Variants in NRXN1 observed in about 807,000 individuals in gnomAD.
NRXN1 encodes the protein neurexin 1, also known as neurexin-1.
In NRXN1, 39 loss-of-function variants were observed where a neutral mutation model predicts 150.9. That is an observed-to-expected ratio of 0.26 (90% confidence interval 0.20 to 0.34). The LOEUF is 0.34. Ranked by LOEUF, NRXN1 falls within the 10% of genes least tolerant of loss-of-function variation. The pLI is 1.00. For synonymous variants in NRXN1, 924 were observed against 757.0 expected, an observed-to-expected ratio of 1.22 and a Z score of -3.62; for missense variants, 1,815 against 1,949.9, an observed-to-expected ratio of 0.93 and a Z score of 1.30.
At chr2:50,448,865 T>A (rs1184534480) in intron 17 of NRXN1, among the ~76,000 whole-genome samples, 1 of 151,992 alleles carries the variant, frequency 6.6e-6, no homozygotes, top group Non-Finnish European at 1.5e-5. Context: ...AACACTAAAA[T>A]ATACAAAATA....
At chr2:49,966,587 C>A (rs1403942127) in intron 21 of NRXN1, 3 of 151,718 alleles carry the variant, frequency 2.0e-5, no homozygotes, top group African/African-American at 7.3e-5. Flanking sequence ...GCGAACTCCT[C>A]ACCTTACAAA....
chr2:50,208,983 T>C (rs552080975), intron 18 of NRXN1, among the ~76,000 whole-genome samples: 1 of 152,220 alleles, frequency 6.6e-6, no homozygotes, highest in South Asian at 2.1e-4. Flanking sequence ...TTTTCCTTTA[T>C]TGCACACCTC....
At chr2:50,332,302 A>G (rs191677981) in intron 17 of NRXN1, among the ~76,000 whole-genome samples, 21 of 152,334 alleles carry the variant, frequency 1.4e-4, no homozygotes, top group African/African-American at 5.1e-4. Context: ...CTTTCTACAA[A>G]CATTTGAGTA....
intron 5 of NRXN1, among the ~76,000 whole-genome samples, chr2:50,773,703 C>T (rs992458249): frequency 1.3e-5 from 2 of 152,028 alleles, no homozygotes. Context: ...ACCTCAAAAT[C>T]CAGTTGGGAC....
intron 17 of NRXN1, among the ~76,000 whole-genome samples, chr2:50,278,317 T>TTATA (rs1553368961): frequency 1.5e-4 from 19 of 124,088 alleles, no homozygotes; most frequent in African/African-American, 6.0e-4. Context: ...TATATATATA[T>TTATA]TATATATATA....
intron 17 of NRXN1, among the ~76,000 whole-genome samples, chr2:50,403,701 A>T (rs2082548822): frequency 6.6e-6 from 1 of 152,156 alleles, no homozygotes; most frequent in Admixed American, 6.6e-5. Flanking sequence ...CAGCTTTGTA[A>T]TACTAATTTT....
At chr2:51,011,455 C>T (rs1667846996) in intron 2 of NRXN1, among the ~76,000 whole-genome samples, 1 of 151,878 alleles carries the variant, frequency 6.6e-6, no homozygotes. Flanking sequence ...AGCATTGTCC[C>T]TGCTGGAGAA....
At chr2:50,081,817 T>C (rs1231312079) in intron 19 of NRXN1, among the ~76,000 whole-genome samples, 3 of 152,130 alleles carry the variant, frequency 2.0e-5, no homozygotes, top group Non-Finnish European at 4.4e-5. Flanking sequence ...CCTGAAGATA[T>C]AAGAACTCAG....
At chr2:50,539,524 GA>G (rs56704663) in intron 9 of NRXN1, among the ~76,000 whole-genome samples, 10 of 150,772 alleles carry the variant, frequency 6.6e-5, no homozygotes, top group Middle Eastern at 3.4e-3. Context: ...TGGAATCTAT[GA>G]AAAAAAAAGA....
chr2:50,749,091 T>C (rs1700306764), intron 5 of NRXN1, among the ~76,000 whole-genome samples: 1 of 152,162 alleles, frequency 6.6e-6, no homozygotes, highest in Admixed American at 6.6e-5. Context: ...TTACACATTT[T>C]CTCAAACTGA....
At chr2:50,520,420 A>T (rs1229412843) in intron 12 of NRXN1, among the ~76,000 whole-genome samples, 1 of 151,940 alleles carries the variant, frequency 6.6e-6, no homozygotes. Context: ...TTTTAATCAC[A>T]ATAGCAAAGA....
intron 5 of NRXN1, among the ~76,000 whole-genome samples, chr2:50,865,921 A>G (rs1489468627): frequency 6.6e-6 from 1 of 151,538 alleles, no homozygotes. Flanking sequence ...AGGATTAAAT[A>G]AAGTCTCAGA....
intron 21 of NRXN1, among the ~76,000 whole-genome samples, chr2:50,038,857 A>C (rs1474099852): frequency 6.7e-6 from 1 of 148,892 alleles, no homozygotes; most frequent in Admixed American, 6.8e-5. Flanking sequence ...ACCAACAAAC[A>C]AACTAAAATC....
Position 50,220,051 on chromosome 2 carries a change from G to A in NRXN1, c.3546+16738C>T, listed in dbSNP as rs557847022. On this transcript the variant is annotated intron_variant, in intron 18 of 22. Transcript: ENST00000401669. ...TAAAGAAAATATTCCTAAATAAGTGGCTCTCATATGAGCCACAATTTAAGG... is the reference window on the plus strand; with the variant it reads ...TAAAGAAAATATTCCTAAATAAGTGACTCTCATATGAGCCACAATTTAAGG... Among the ~76,000 whole-genome samples, 342 of 127,596 alleles carry A rather than the reference G, an allele frequency of 2.7e-3. 1 individual carries two copies. The highest frequency in any genetic ancestry group is 9.7e-3 in the African/African-American group (315 of 32,608). 83.7% of individuals were successfully genotyped at this position (127,596 alleles called of 152,430 possible).
chr2:50,559,952 C>T (rs951678282), intron 8 of NRXN1, among the ~76,000 whole-genome samples: 1 of 151,966 alleles, frequency 6.6e-6, no homozygotes, highest in African/African-American at 2.4e-5. Flanking sequence ...TGGTGCTTTC[C>T]ACAAAAAACA....
chr2:50,402,899 A>G (rs2082490011), intron 17 of NRXN1, among the ~76,000 whole-genome samples: 1 of 152,184 alleles, frequency 6.6e-6, no homozygotes. Context: ...TTACAAAAAC[A>G]TAAGAAGAGA....
chr2:50,237,643 A>C (rs1279807913), intron 17 of NRXN1, among the ~76,000 whole-genome samples: 1 of 151,872 alleles, frequency 6.6e-6, no homozygotes, highest in African/African-American at 2.4e-5. Flanking sequence ...AGGTGAATAC[A>C]AGCCTTATAG....
At chr2:50,395,082 C>A (rs1035257133) in intron 17 of NRXN1, among the ~76,000 whole-genome samples, 1 of 151,962 alleles carries the variant, frequency 6.6e-6, no homozygotes, top group African/African-American at 2.4e-5. Context: ...TGCTTTTCTT[C>A]ATAGGTATTA....
At chr2:50,614,648 T>C (rs558563953) in intron 8 of NRXN1, among the ~76,000 whole-genome samples, 5 of 132,082 alleles carry the variant, frequency 3.8e-5, no homozygotes, top group Non-Finnish European at 7.9e-5. Flanking sequence ...AAAATATATA[T>C]ATATATATAT....
Sources: allele counts gnomAD v4.1 joint callset (sites outside exome capture counted in the v4.1 genomes callset), GRCh38; gene constraint gnomAD v4.1.1; transcripts MANE v1.5; gene names NCBI Gene and HGNC (gene_info 2026-07-23, HGNC 2026-07-21).